The following IP6K1 variants were observed in gnomAD, a reference collection of about 807,000 sequenced individuals.
IP6K1 encodes the protein inositol hexakisphosphate kinase 1, also known as ATP:1D-myo-inositol-hexakisphosphate phosphotransferase.
IP6K1 carries 13 observed loss-of-function variants against 38.3 expected under a neutral mutation model. That is an observed-to-expected ratio of 0.34 (90% CI 0.22 to 0.54). The LOEUF is 0.54. Ranked by LOEUF, IP6K1 falls within the 20% of genes least tolerant of loss-of-function variation. IP6K1 has a pLI of 0.92. For missense variants in IP6K1, 397 were observed against 599.8 expected (o/e 0.66, Z 3.53); for synonymous variants, 212 against 229.9 (o/e 0.92, Z 0.70).
intron 1 of IP6K1, among the ~76,000 whole-genome samples, chr3:49,773,528 A>G (rs6766836): frequency 0.49 from 74,145 of 152,026 alleles, 19,224 homozygotes; most frequent in African/African-American, 0.63. Context: ...GGAGAATGGC[A>G]TGACCCTGGG....
rs1250134465 is a variant in IP6K1, at chr3:49,724,437, GGAGCCA to G, written c.*2679_*2684del. ...GTCCAAAGCAAACGCAACTGCGGCG[GGAGCCA>G]CCGGCGCAGGCCTCGGGCGGTGGAG... On this transcript the variant is annotated 3_prime_UTR_variant, in exon 6 of 6. Transcript: ENST00000321599. 1 of 152,298 alleles carries G rather than the reference GGAGCCA, an allele frequency of 6.6e-6. No individual in the cohort carries two copies. Among genetic ancestry groups the G allele is most frequent in the Non-Finnish European group, 1.5e-5 (1 of 68,092 alleles). 9.4% of individuals were successfully genotyped at this position (152,298 alleles called of 1,614,324 possible).
rs369324687 is a variant in IP6K1 at position 49,757,879 on chromosome 3, CAT to C, written c.-128-9713_-128-9712del. 1.3e-3 allele frequency among the ~76,000 whole-genome samples: 205 copies of C among 152,254 alleles called. 1 individual carries two copies. The highest frequency in any genetic ancestry group is 8.3e-3 in the East Asian group (43 of 5,192). On this transcript the variant is annotated intron_variant, in intron 1 of 5. Coordinates refer to ENST00000321599, the MANE Select transcript of IP6K1 (RefSeq NM_153273.4). ...TACTACCTTATATTAGCAATATTCACATGTGTCCTATTATTAAAAAAGGGAAA... is the reference window on the plus strand; with the variant it reads ...TACTACCTTATATTAGCAATATTCACGTGTCCTATTATTAAAAAAGGGAAA...
chr3:49,745,394 G>A (rs1452884528), intron 2 of IP6K1, among the ~76,000 whole-genome samples: 1 of 152,106 alleles, frequency 6.6e-6, no homozygotes, highest in Non-Finnish European at 1.5e-5. Context: ...AGCTTGAGAT[G>A]TCCTAAAAAC....
At chr3:49,752,172 C>T (rs1206922136) in intron 1 of IP6K1, among the ~76,000 whole-genome samples, 1 of 151,800 alleles carries the variant, frequency 6.6e-6, no homozygotes, top group African/African-American at 2.4e-5. Flanking sequence ...GCCCGGCTAA[C>T]TTAAAAAAAT....
At chr3:49,773,197 T>C (rs897566783) in intron 1 of IP6K1, among the ~76,000 whole-genome samples, 2 of 152,202 alleles carry the variant, frequency 1.3e-5, no homozygotes, top group Non-Finnish European at 2.9e-5. Flanking sequence ...GTTAATATGC[T>C]TAAGGGTCCA....
chr3:49,757,863 A>G (rs2108246201), intron 1 of IP6K1, among the ~76,000 whole-genome samples: 1 of 152,354 alleles, frequency 6.6e-6, no homozygotes, highest in South Asian at 2.1e-4. Flanking sequence ...CTACTACCTT[A>G]TATTAGCAAT....
At position 49,727,970 on chromosome 3, in the gene IP6K1, G is replaced by C; in HGVS notation, c.792+133C>G. ...ACTCTCACAGTGGTCCTGCACCTGA[G>C]GCCCATATCAAAGTCAACAGGTAAG... On this transcript the variant is annotated intron_variant, in intron 5 of 5. Transcript: ENST00000321599. This position sits in a 1 kb window ranked among gnomAD's most constrained non-coding sequence, Gnocchi z 5.9. 1.2e-6 allele frequency: 1 copy of C among 848,308 alleles called. No homozygotes were observed. Among genetic ancestry groups the C allele is most frequent in the South Asian group, 1.6e-5 (1 of 62,074 alleles). 52.5% of individuals were successfully genotyped at this position (848,308 alleles called of 1,614,324 possible).
intron 1 of IP6K1, among the ~76,000 whole-genome samples, chr3:49,768,214 G>A (rs2080928246): frequency 6.6e-6 from 1 of 152,118 alleles, no homozygotes; most frequent in African/African-American, 2.4e-5. Flanking sequence ...GAACTGAAAG[G>A]AGGAATCCAA....
chr3:49,743,008 A>G (rs890264331), intron 2 of IP6K1, among the ~76,000 whole-genome samples: 8 of 152,114 alleles, frequency 5.3e-5, no homozygotes, highest in African/African-American at 1.9e-4. Context: ...CAAGTGGGTC[A>G]CTTAAGGTCA....
intron 1 of IP6K1, among the ~76,000 whole-genome samples, chr3:49,756,615 C>G (rs147433917): frequency 1.3e-5 from 2 of 151,896 alleles, no homozygotes; most frequent in Admixed American, 1.3e-4. Flanking sequence ...GTCAGGAGTT[C>G]GAGACCAGTC....
chr3:49,773,237 T>A (rs969553068), intron 1 of IP6K1, among the ~76,000 whole-genome samples: 1 of 152,194 alleles, frequency 6.6e-6, no homozygotes, highest in African/African-American at 2.4e-5. Flanking sequence ...CTCTGCTTCA[T>A]GAAATTACTC....
chr3:49,770,561 CT>C (rs1474255974), intron 1 of IP6K1, among the ~76,000 whole-genome samples: 2 of 152,138 alleles, frequency 1.3e-5, no homozygotes, highest in African/African-American at 4.8e-5. Context: ...GGGAGAATGG[CT>C]TGAGCCCAGG....
intron 1 of IP6K1, among the ~76,000 whole-genome samples, chr3:49,780,309 T>TACAC (rs71080553): frequency 0.013 from 1,582 of 117,600 alleles, 74 homozygotes; most frequent in African/African-American, 0.035. Flanking sequence ...TCATCTTTCA[T>TACAC]ACACACACAC....
intron 1 of IP6K1, among the ~76,000 whole-genome samples, chr3:49,764,404 T>C (rs78297889): frequency 0.012 from 1,839 of 152,054 alleles, 33 homozygotes; most frequent in African/African-American, 0.042. Flanking sequence ...AATTTTAAAA[T>C]ATATACAACA....
chr3:49,786,092 C>G (rs1257933505), intron 1 of IP6K1: 1 of 152,284 alleles, frequency 6.6e-6, no homozygotes, highest in African/African-American at 2.4e-5. Flanking sequence ...TCCAGAGCTT[C>G]GGTCAGAGAA....
At chr3:49,768,293 C>G (rs907855517) in intron 1 of IP6K1, among the ~76,000 whole-genome samples, 1 of 152,144 alleles carries the variant, frequency 6.6e-6, no homozygotes, top group African/African-American at 2.4e-5. Context: ...CGACCCATGT[C>G]CATCAACAGA....
At chr3:49,775,659 C>G (rs1194197081) in intron 1 of IP6K1, 2 of 626,044 alleles carry the variant, frequency 3.2e-6, no homozygotes, top group Non-Finnish European at 4.9e-6. Flanking sequence ...GCTGCTGCAG[C>G]GGCTAGAAAA....
At chr3:49,768,845 G>A (rs1215193607) in intron 1 of IP6K1, among the ~76,000 whole-genome samples, 3 of 152,094 alleles carry the variant, frequency 2.0e-5, no homozygotes, top group Non-Finnish European at 4.4e-5. Context: ...GGCTGGGGGA[G>A]GTGAGAATGG....
chr3:49,737,759 G>A, intron 3 of IP6K1, among the ~76,000 whole-genome samples: 1 of 152,108 alleles, frequency 6.6e-6, no homozygotes, highest in African/African-American at 2.4e-5. Flanking sequence ...TTAGTTGCAG[G>A]GAAAGCGTTA....
Sources: gnomAD v4.1 joint callset for allele counts (sites outside exome capture counted in the v4.1 genomes callset) on GRCh38, gnomAD v4.1.1 for gene constraint, Gnocchi (gnomAD v3.1) non-coding constraint, MANE v1.5 for transcripts, NCBI Gene and HGNC (gene_info 2026-07-23, HGNC 2026-07-21) for gene names.